The following ANO10 variants were observed in gnomAD, a reference collection of about 807,000 sequenced individuals.
The protein encoded by ANO10 is anoctamin 10, also known as anoctamin-10.
A neutral mutation model predicts 74.7 loss-of-function variants in ANO10; 77 were observed. The ratio of observed to expected loss-of-function variants is 1.03; its 90% CI spans 0.86 to 1.25. The LOEUF (loss-of-function observed/expected upper bound fraction) is 1.25, where lower values mean the gene tolerates loss of function less well. Among genes scored for constraint, ANO10 ranks in the 50% most tolerant of loss-of-function variants. ANO10 has a pLI of 0.00. For synonymous variants in ANO10, 279 were observed against 284.9 expected, an observed-to-expected ratio of 0.98 and a Z score of 0.21; for missense variants, 721 against 778.1, an observed-to-expected ratio of 0.93 and a Z score of 0.87.
At chr3:43,631,512 C>T (rs1422615214) in intron 1 of ANO10, among the ~76,000 whole-genome samples, 1 of 152,122 alleles carries the variant, frequency 6.6e-6, no homozygotes, top group Non-Finnish European at 1.5e-5. Context: ...TAGGGTTTTA[C>T]TATTAGCAAA....
At chr3:43,599,982 T>C (rs570116455) in intron 3 of ANO10, among the ~76,000 whole-genome samples, 1 of 152,346 alleles carries the variant, frequency 6.6e-6, no homozygotes, top group South Asian at 2.1e-4. Context: ...ACAATCATTC[T>C]GCTTTCAAAA....
chr3:43,508,350 G>A (rs79612420), intron 11 of ANO10, among the ~76,000 whole-genome samples: 3,463 of 152,204 alleles, frequency 0.023, 134 homozygotes, highest in African/African-American at 0.078. Context: ...ATTAGAAAAT[G>A]GGCAAAAACT....
At chr3:43,604,971 T>G (rs2082494787) in intron 2 of ANO10, among the ~76,000 whole-genome samples, 1 of 152,214 alleles carries the variant, frequency 6.6e-6, no homozygotes, top group Admixed American at 6.5e-5. Context: ...TAACAGTTTT[T>G]TTTTTAAAGA....
chr3:43,452,256 G>A (rs997530866), intron 11 of ANO10, among the ~76,000 whole-genome samples: 1 of 152,148 alleles, frequency 6.6e-6, no homozygotes, highest in Non-Finnish European at 1.5e-5. Flanking sequence ...TATACTCAGA[G>A]TTTGTGCAAC....
chr3:43,621,756 C>A (rs1219323191), intron 1 of ANO10, 153 bp downstream of exon 1: 1 of 152,604 alleles, frequency 6.6e-6, no homozygotes, highest in Non-Finnish European at 1.5e-5. Context: ...ACTTCCCATC[C>A]CCAGGGGTGC....
At chr3:43,624,777 C>A (rs998385817), upstream of ANO10, among the ~76,000 whole-genome samples, 1 of 152,162 alleles carries the variant, frequency 6.6e-6, no homozygotes, top group Non-Finnish European at 1.5e-5. Context: ...TGATTCACAT[C>A]GCAGGAGGGA....
chr3:43,585,620 C>CGTACA (rs2081445561), intron 4 of ANO10, among the ~76,000 whole-genome samples: 1 of 152,182 alleles, frequency 6.6e-6, no homozygotes, highest in South Asian at 2.1e-4. Flanking sequence ...AGAGAATGTA[C>CGTACA]CTGTGCAGAA....
chr3:43,559,826 C>T (rs1189935217), intron 9 of ANO10, among the ~76,000 whole-genome samples: 1 of 152,188 alleles, frequency 6.6e-6, no homozygotes, highest in African/African-American at 2.4e-5. Flanking sequence ...AGTAAGCTAG[C>T]ACTCAACCAA....
chr3:43,653,764 G>A (rs2083814680), intron 1 of ANO10, among the ~76,000 whole-genome samples: 1 of 152,164 alleles, frequency 6.6e-6, no homozygotes, highest in African/African-American at 2.4e-5. Flanking sequence ...CCCAGCATCT[G>A]TTCTCTCTTT....
At chr3:43,561,519 CA>C in intron 8 of ANO10, 117 bp from the exon 9 acceptor site, 1 of 946,480 alleles carries the variant, frequency 1.1e-6, no homozygotes, top group Non-Finnish European at 1.6e-6. Context: ...AATTATGCAA[CA>C]AATAAAATGG....
At chr3:43,635,786 A>G (rs1481534133) in intron 1 of ANO10, among the ~76,000 whole-genome samples, 1 of 151,856 alleles carries the variant, frequency 6.6e-6, no homozygotes, top group Non-Finnish European at 1.5e-5. Flanking sequence ...ATGCCCAGCT[A>G]ATTTTTTTGT....
intron 10 of ANO10, among the ~76,000 whole-genome samples, chr3:43,553,286 G>C (rs1199692364): frequency 1.3e-5 from 2 of 152,128 alleles, no homozygotes; most frequent in Non-Finnish European, 2.9e-5. Context: ...TGTTGGCAAG[G>C]ATTTCTTTGG....
At chr3:43,622,035 G>A (rs1374867100), upstream of ANO10, 2 of 152,672 alleles carry the variant, frequency 1.3e-5, no homozygotes, top group African/African-American at 2.4e-5. Flanking sequence ...CCGAGCGCTG[G>A]GCGTGGCGGA....
intron 12 of ANO10, among the ~76,000 whole-genome samples, chr3:43,421,842 A>C (rs373406394): frequency 7.4e-4 from 5 of 6,762 alleles, no homozygotes; most frequent in African/African-American, 9.1e-4. Context: ...TGTCTCCAAA[A>C]AAAAAAGTTT....
chr3:43,507,646 C>G (rs573859514), intron 11 of ANO10, among the ~76,000 whole-genome samples: 4 of 151,780 alleles, frequency 2.6e-5, no homozygotes, highest in Non-Finnish European at 5.9e-5. Flanking sequence ...GGCCCAGTGA[C>G]CAGGGACACT....
At chr3:43,450,334 A>G (rs1240594781) in intron 11 of ANO10, among the ~76,000 whole-genome samples, 1 of 152,094 alleles carries the variant, frequency 6.6e-6, no homozygotes, top group Non-Finnish European at 1.5e-5. Context: ...TGAGGTCAGG[A>G]GTTTGAGACC....
intron 2 of ANO10, among the ~76,000 whole-genome samples, chr3:43,605,330 C>A (rs1478313978): frequency 1.3e-5 from 2 of 152,094 alleles, no homozygotes; most frequent in Non-Finnish European, 2.9e-5. Flanking sequence ...AGGAAGAGAC[C>A]ATATTTATCT....
At chr3:43,518,200 G>A (rs936768243) in intron 11 of ANO10, among the ~76,000 whole-genome samples, 12 of 152,060 alleles carry the variant, frequency 7.9e-5, no homozygotes, top group African/African-American at 2.7e-4. Flanking sequence ...AAGATTTCAT[G>A]GACATTTATT....
intron 11 of ANO10, among the ~76,000 whole-genome samples, chr3:43,461,971 C>A (rs1411188846): frequency 6.6e-6 from 1 of 152,080 alleles, no homozygotes; most frequent in Admixed American, 6.6e-5. Flanking sequence ...ATGGCTTTGA[C>A]AAAAATGCTG....
Sources: allele counts gnomAD v4.1 joint callset (sites outside exome capture counted in the v4.1 genomes callset), GRCh38; gene constraint gnomAD v4.1.1; transcripts MANE v1.5; gene names NCBI Gene and HGNC (gene_info 2026-07-23, HGNC 2026-07-21).